Variants in STAB1 observed in about 807,000 individuals in gnomAD.
The protein encoded by STAB1 is stabilin 1.
In STAB1, 250 loss-of-function variants were observed where a neutral mutation model predicts 332.4. The ratio of observed to expected loss-of-function variants is 0.75; its 90% CI spans 0.68 to 0.84. The LOEUF is 0.84. Among genes scored for constraint, STAB1 ranks in the 40% least tolerant of loss-of-function variants. The probability of loss-of-function intolerance (pLI) is 0.00; values close to 1 mark genes in which losing one functional copy is unlikely to be tolerated. For synonymous variants in STAB1, 1,475 were observed against 1,390.4 expected (o/e 1.06, Z -1.35); for missense variants, 3,249 against 3,489.7 (o/e 0.93, Z 1.74).
chr3:52,502,965 T>C (rs754771793), intron 6 of STAB1, 34 bp from the exon 7 acceptor site: 1 of 1,499,406 alleles, frequency 6.7e-7, no homozygotes, highest in East Asian at 2.4e-5. Flanking sequence ...CAGCCTGGGC[T>C]TGGGCTCATC....
intron 43 of STAB1, 53 bp downstream of exon 43, chr3:52,517,446 G>A (rs1008799177): frequency 1.7e-5 from 27 of 1,575,830 alleles, no homozygotes; most frequent in Non-Finnish European, 2.2e-5. Flanking sequence ...TCACAGGATG[G>A]GGCCTCCCTT....
chr3:52,496,736 C>T (rs1312294326), intron 1 of STAB1, among the ~76,000 whole-genome samples: 1 of 152,222 alleles, frequency 6.6e-6, no homozygotes, highest in Non-Finnish European at 1.5e-5. Context: ...ATGCTCTGGG[C>T]AGTGAGGACA....
intron 19 of STAB1, 33 bp downstream of exon 19, chr3:52,507,708 C>T (rs932497327): frequency 3.1e-6 from 5 of 1,612,180 alleles, no homozygotes; most frequent in Middle Eastern, 1.6e-4. Flanking sequence ...CTCAGGGCCT[C>T]CTGACTGCCT....
At position 52,523,378 on chromosome 3, in the gene STAB1, T is replaced by C. The variant is rs770054151; in HGVS notation, c.7140+37T>C. 23 of 1,609,202 alleles carry C rather than the reference T, an allele frequency of 1.4e-5. 1 individual carries two copies. The South Asian group carries it at 2.2e-4, about 15-fold the overall frequency. On this transcript the variant is annotated intron_variant, in intron 64 of 68. Coordinates refer to ENST00000321725, the MANE Select transcript of STAB1 (RefSeq NM_015136.3). Reference sequence around the variant, plus strand: ...GGGTGTGGGCAGAGCAGAGCCTGCATTGGCCATCTCCATCTGGCCCAGGCC... The same window carrying C: ...GGGTGTGGGCAGAGCAGAGCCTGCACTGGCCATCTCCATCTGGCCCAGGCC...
At position 52,504,351 on chromosome 3, in the gene STAB1, A is replaced by C. The variant is rs183616935; in HGVS notation, c.1151-110A>C. ...GCCCCCATCTACCCTAAATCTAGGG[A>C]GAATACCCCCACCCCAACTCCCCCA... On this transcript the variant is annotated intron_variant, in intron 10 of 68. Transcript: ENST00000321725. 8,476 of 1,374,784 alleles carry C rather than the reference A, an allele frequency of 6.2e-3. 65 individuals carry two copies. The highest frequency in any genetic ancestry group is 0.024 in the South Asian group (1,892 of 79,180). 85.2% of individuals were successfully genotyped at this position (1,374,784 alleles called of 1,614,324 possible).
intron 52 of STAB1, 37 bp downstream of exon 52, chr3:52,520,327 G>A (rs763119730): frequency 5.6e-6 from 9 of 1,612,856 alleles, no homozygotes; most frequent in Non-Finnish European, 8.5e-7. Flanking sequence ...AAGGGAGTAG[G>A]AGGCAGGGGC....
Position 52,510,196 on chromosome 3 carries a change from C to G in STAB1, c.2589C>G (p.Asn863Lys), listed in dbSNP as rs768225400. ...EGDGFSCTPS[N>K]PCSHPDRGGC... ...ATGGCTTCTCCTGCACACCTAGCAA[C>G]CCCTGCTCCCACCCGGACCGTGGAG... The change falls in exon 24 of 69, where the codon AAC becomes AAG. Residue 863 changes from asparagine (N) to lysine (K), a missense_variant. Transcript: ENST00000321725. 6.2e-7 allele frequency: 1 copy of G among 1,614,038 alleles called. No homozygotes were observed. Among genetic ancestry groups the G allele is most frequent in the South Asian group, 1.1e-5 (1 of 91,086 alleles).
intron 16 of STAB1, 27 bp from the exon 17 acceptor site, chr3:52,506,143 C>G: frequency 6.2e-7 from 1 of 1,602,672 alleles, no homozygotes; most frequent in South Asian, 1.1e-5. Flanking sequence ...AGAGCCCAGC[C>G]TAAAGCCACA....
chr3:52,523,101 G>A lies in STAB1; in HGVS notation c.6987G>A (p.Leu2329=), dbSNP rs1040193958. 1.3e-6 allele frequency: 2 copies of A among 1,576,070 alleles called. No individual in the cohort carries two copies. The highest frequency in any genetic ancestry group is 2.2e-5 in the East Asian group (1 of 44,548). Residue 2329 remains leucine, a synonymous_variant, in exon 63 of 69, where the codon CTG becomes CTA. Coordinates refer to ENST00000321725, the MANE Select transcript of STAB1 (RefSeq NM_015136.3). ...STCNGKLLDV[L]AATANFSTFY... ...GCAATGGGAAGCTGCTGGATGTGCT[G>A]GCTGCCACTGCCAACTTCTCCACCT...
chr3:52,520,850 C>T lies in STAB1; in HGVS notation c.5753C>T (p.Ser1918Phe). The T allele has an allele frequency of 6.2e-7, 1 of 1,612,848 alleles. No homozygotes were observed. The highest frequency in any genetic ancestry group is 8.5e-7 in the Non-Finnish European group (1 of 1,180,024). Residue 1918 changes from serine (S) to phenylalanine (F), a missense_variant, in exon 55 of 69, where the codon TCC (serine) becomes TTC (phenylalanine). Ser to Phe is a radical substitution (Grantham distance 155, BLOSUM62 -2). Coordinates refer to ENST00000321725, the MANE Select transcript of STAB1 (RefSeq NM_015136.3). ...CWRFYPKFWTSPPLHSLGLRS... is the reference protein window; with the variant it reads ...CWRFYPKFWTFPPLHSLGLRS... The stretch of plus-strand genomic sequence containing the variant: ...CGCTTCTACCCGAAGTTCTGGACGT[C>T]CCCTCCGCTGCACTCTTTGGGATTA...
chr3:52,503,095 G>C lies in STAB1; in HGVS notation c.680G>C (p.Gly227Ala), dbSNP rs1263611620. Residue 227 changes from glycine to alanine, a missense_variant, in exon 7 of 69, where the codon GGC becomes GCC. By Grantham distance (60) the Gly-to-Ala change is moderately conservative (BLOSUM62 0). Transcript: ENST00000321725. Reference sequence around the variant, plus strand: ...TGCCTGCCCGGCTACACACAGCAGGGCAGTGAATGCCGAGGTGAGCCTGGA... The same window carrying C: ...TGCCTGCCCGGCTACACACAGCAGGCCAGTGAATGCCGAGGTGAGCCTGGA... Reference protein sequence around the residue: ...CRCLPGYTQQGSECRAPNPCW... With the variant: ...CRCLPGYTQQASECRAPNPCW... The C allele has an allele frequency of 1.3e-6, 2 of 1,592,626 alleles. No individual in the cohort carries two copies. The highest frequency in any genetic ancestry group is 1.7e-6 in the Non-Finnish European group (2 of 1,170,738).
In STAB1 at chr3:52,524,105, AGAT is replaced by A; in HGVS notation, c.7553_7555del (p.Asp2518del). ...CACCCCTCTGCTGCTCCCAGGCGGA[AGAT>A]GATGCTGATGACGACTTCTCACCGT... On this transcript the variant is annotated inframe_deletion, in exon 68 of 69. Coordinates refer to ENST00000321725, the MANE Select transcript of STAB1 (RefSeq NM_015136.3). 1 of 1,613,556 alleles carries A rather than the reference AGAT, an allele frequency of 6.2e-7. No homozygotes were observed. The highest frequency in any genetic ancestry group is 8.5e-7 in the Non-Finnish European group (1 of 1,180,016).
At chr3:52,523,598 C>T in intron 65 of STAB1, 22 bp downstream of exon 65, 1 of 1,612,690 alleles carries the variant, frequency 6.2e-7, no homozygotes, top group South Asian at 1.1e-5. Flanking sequence ...CACTGTCCCA[C>T]CCTGTTGGCC....
intron 57 of STAB1, 28 bp downstream of exon 57, chr3:52,521,728 C>A: frequency 1.2e-6 from 2 of 1,611,556 alleles, no homozygotes; most frequent in South Asian, 1.1e-5. Flanking sequence ...CGTGCCCACC[C>A]TACACACTTG....
chr3:52,513,109 C>T, intron 29 of STAB1, 21 bp from the exon 30 acceptor site: 1 of 1,556,268 alleles, frequency 6.4e-7, no homozygotes, highest in East Asian at 2.4e-5. Context: ...TCCATGACCC[C>T]CCTAAACTGT....
In STAB1 at chr3:52,524,111, T is replaced by C. The variant is rs772290528; in HGVS notation, c.7554T>C (p.Asp2518=). ...TCTGCTGCTCCCAGGCGGAAGATGATGCTGATGACGACTTCTCACCGTGGC... is the reference window on the plus strand; with the variant it reads ...TCTGCTGCTCCCAGGCGGAAGATGACGCTGATGACGACTTCTCACCGTGGC... ...FGFSAFQAED[D]ADDDFSPWQE... The change falls in exon 68 of 69, where the codon GAT becomes GAC. Residue 2518 remains aspartate, a synonymous_variant. Transcript: ENST00000321725. 3.5e-5 allele frequency: 56 copies of C among 1,613,676 alleles called. No individual in the cohort carries two copies. Among genetic ancestry groups the C allele is most frequent in the South Asian group, 1.1e-4 (10 of 91,086 alleles).
In STAB1 at chr3:52,517,580, G is replaced by A. The variant is rs1202944177; in HGVS notation, c.4594G>A (p.Gly1532Arg). ...CTGCAGCTGCCGTGAGGGTTACAGC[G>A]GGGATGGCATCCGGACCTGCGAGCT... ...VSCSCREGYS[G>R]DGIRTCELLD... Residue 1532 changes from glycine (G) to arginine (R), a missense_variant, in exon 44 of 69, where the codon GGG (glycine) becomes AGG (arginine). Gly to Arg is a moderately radical substitution (Grantham distance 125). Transcript: ENST00000321725. 7.4e-6 allele frequency: 12 copies of A among 1,612,932 alleles called. No homozygotes were observed. Among genetic ancestry groups the A allele is most frequent in the East Asian group, 2.2e-5 (1 of 44,860 alleles).
At chr3:52,500,818 T>C (rs1041854640) in intron 1 of STAB1, among the ~76,000 whole-genome samples, 12 of 152,222 alleles carry the variant, frequency 7.9e-5, no homozygotes, top group African/African-American at 2.9e-4. Context: ...TTTTCTCACC[T>C]GAAATGGGCT....
chr3:52,518,204 C>G, intron 45 of STAB1, 108 bp from the exon 46 acceptor site: 1 of 1,565,842 alleles, frequency 6.4e-7, no homozygotes, highest in Non-Finnish European at 8.7e-7. Context: ...CCGCGGCTTT[C>G]CTTTCCTCAT....
Sources: allele counts gnomAD v4.1 joint callset (sites outside exome capture counted in the v4.1 genomes callset), GRCh38; gene constraint gnomAD v4.1.1; transcripts MANE v1.5; gene names NCBI Gene and HGNC (gene_info 2026-07-23, HGNC 2026-07-21).